The following SLC5A9 variants were observed in gnomAD, a reference collection of about 807,000 sequenced individuals.
SLC5A9 encodes sodium/glucose cotransporter 4.
SLC5A9 carries 59 observed loss-of-function variants against 70.9 expected under a neutral mutation model. That is an observed-to-expected ratio of 0.83 (90% CI 0.68 to 1.03). SLC5A9 has a LOEUF of 1.03. SLC5A9 is among the 50% of genes least tolerant of loss of function. The probability of loss-of-function intolerance (pLI) is 0.00; values close to 1 mark genes in which losing one functional copy is unlikely to be tolerated. For synonymous variants in SLC5A9, 340 were observed against 346.5 expected, an observed-to-expected ratio of 0.98 and a Z score of 0.21; for missense variants, 832 against 881.1, an observed-to-expected ratio of 0.94 and a Z score of 0.71.
chr1:48,231,567 C>T lies in SLC5A9; in HGVS notation c.633C>T (p.Tyr211=). The T allele has an allele frequency of 6.2e-7, 1 of 1,614,146 alleles. No homozygotes were observed. ...TIAGGLMAVI[Y]TDALQTVIMV... is the part of the protein sequence containing the mutation. Reference sequence around the variant, plus strand: ...CAGGTGGCCTCATGGCCGTGATCTACACAGATGCTCTGCAGACGGTGATCA... The same window carrying T: ...CAGGTGGCCTCATGGCCGTGATCTATACAGATGCTCTGCAGACGGTGATCA... Residue 211 remains tyrosine, a synonymous_variant, in exon 6 of 14, where the codon TAC becomes TAT. Coordinates refer to ENST00000438567, the MANE Select transcript of SLC5A9 (RefSeq NM_001011547.3).
chr1:48,234,147 C>T (rs1276252999), intron 9 of SLC5A9, among the ~76,000 whole-genome samples: 3 of 152,200 alleles, frequency 2.0e-5, no homozygotes, highest in Non-Finnish European at 4.4e-5. Context: ...AATGGAGCTA[C>T]ATCCCGAGTT....
intron 13 of SLC5A9, among the ~76,000 whole-genome samples, chr1:48,244,878 G>GTGTATATATATATATATA (rs1391896495): frequency 2.7e-4 from 8 of 29,402 alleles, no homozygotes; most frequent in African/African-American, 6.7e-4. Flanking sequence ...ATGTGTATGT[G>GTGTATATATATATATATA]TATATATATA....
chr1:48,224,833 C>G, intron 2 of SLC5A9, 38 bp downstream of exon 2: 1 of 1,590,788 alleles, frequency 6.3e-7, no homozygotes, highest in Non-Finnish European at 8.6e-7. Context: ...AGTGCAGAGG[C>G]TCCCAACTTT....
At chr1:48,244,910 A>ATATATATATATATG (rs56780309) in intron 13 of SLC5A9, among the ~76,000 whole-genome samples, 1 of 110,632 alleles carries the variant, frequency 9.0e-6, no homozygotes, top group East Asian at 2.7e-4. Context: ...ATATATATAT[A>ATATATATATATATG]AAACCTCTGT....
rs529159745 is a variant in SLC5A9, at chr1:48,232,622, T to C, written c.1033+120T>C. Reference sequence around the variant, plus strand: ...AGCAGGGGTTGGCAAGGTTTGTCTATTAAGAATACATAGCCGGTCATGGTG... The same window carrying C: ...AGCAGGGGTTGGCAAGGTTTGTCTACTAAGAATACATAGCCGGTCATGGTG... On this transcript the variant is annotated intron_variant, in intron 8 of 13. Transcript: ENST00000438567. 42 of 1,326,216 alleles carry C rather than the reference T, an allele frequency of 3.2e-5. No individual in the cohort carries two copies. The Admixed American group carries it at 5.2e-4, about 16-fold the overall frequency. 82.2% of individuals were successfully genotyped at this position (1,326,216 alleles called of 1,614,324 possible).
At position 48,232,513 on chromosome 1, in the gene SLC5A9, G is replaced by A. The variant is rs1303635503; in HGVS notation, c.1033+11G>A. The A allele has an allele frequency of 6.2e-7, 1 of 1,614,006 alleles. No individual in the cohort carries two copies. The highest frequency in any genetic ancestry group is 8.5e-7 in the Non-Finnish European group (1 of 1,179,938). On this transcript the variant is annotated intron_variant, in intron 8 of 13. Coordinates refer to ENST00000438567, the MANE Select transcript of SLC5A9 (RefSeq NM_001011547.3). ...GGGCCCTGTTCCCAGGTAAGAACGA[G>A]CCTTGCTCTCTGGGTATTGGGATCT...
intron 2 of SLC5A9, among the ~76,000 whole-genome samples, chr1:48,227,501 CAG>C (rs951827653): frequency 1.2e-5 from 1 of 84,336 alleles, no homozygotes; most frequent in Non-Finnish European, 2.3e-5. Context: ...ATGTGTGTGT[CAG>C]AGTGTGTGTA....
intron 12 of SLC5A9, chr1:48,240,667 C>T (rs1178709752): frequency 6.6e-6 from 1 of 152,376 alleles, no homozygotes; most frequent in East Asian, 1.9e-4. Context: ...TTCTCCATTG[C>T]CTGTTTCCTC....
In SLC5A9 at chr1:48,232,480, G is replaced by C. The variant is rs755228113; in HGVS notation, c.1011G>C (p.Met337Ile). Residue 337 changes from methionine to isoleucine, a missense_variant, in exon 8 of 14, where the codon ATG becomes ATC. Transcript: ENST00000438567. ...TGTTCTTCATCGTCATGCCTGGCAT[G>C]ATCAGCCGGGCCCTGTTCCCAGGTA... ...LPMFFIVMPG[M>I]ISRALFPDEV... is the part of the protein sequence containing the mutation. 6.2e-7 allele frequency: 1 copy of C among 1,614,208 alleles called. No individual in the cohort carries two copies. Among genetic ancestry groups the C allele is most frequent in the South Asian group, 1.1e-5 (1 of 91,078 alleles).
In SLC5A9 at chr1:48,248,188, A is replaced by C. The variant is rs1644480403; in HGVS notation, c.*645A>C. Reference sequence around the variant, plus strand: ...TAGACAATGGACTATCCAAAGCACTATTTAAATTCTGCCTCTTCCTACTCT... The same window carrying C: ...TAGACAATGGACTATCCAAAGCACTCTTTAAATTCTGCCTCTTCCTACTCT... On this transcript the variant is annotated 3_prime_UTR_variant, in exon 14 of 14. Transcript: ENST00000438567. 6.5e-6 allele frequency: 1 copy of C among 153,340 alleles called. No individual in the cohort carries two copies. Among genetic ancestry groups the C allele is most frequent in the Non-Finnish European group, 1.5e-5 (1 of 68,884 alleles). 9.5% of individuals were successfully genotyped at this position (153,340 alleles called of 1,614,324 possible). A position where few individuals can be genotyped will look rare whatever the true frequency, so the allele number is the denominator to read the frequency against.
intron 13 of SLC5A9, among the ~76,000 whole-genome samples, chr1:48,243,004 T>A (rs1274411101): frequency 1.3e-5 from 2 of 152,180 alleles, no homozygotes; most frequent in East Asian, 3.9e-4. Context: ...GAGCTAAGCA[T>A]GTCCTCTTTA....
intron 12 of SLC5A9, chr1:48,240,578 A>C (rs2148585465): frequency 6.6e-6 from 1 of 152,360 alleles, no homozygotes; most frequent in African/African-American, 2.4e-5. Flanking sequence ...TCCTACAAAA[A>C]AGCAGGGCCT....
chr1:48,224,793 C>T lies in SLC5A9; in HGVS notation c.232C>T (p.Pro78Ser). The T allele has an allele frequency of 6.2e-7, 1 of 1,614,042 alleles. No individual in the cohort carries two copies. Among genetic ancestry groups the T allele is most frequent in the South Asian group, 1.1e-5 (1 of 91,080 alleles). The change falls in exon 2 of 14, where the codon CCA becomes TCA. Residue 78 changes from proline to serine, a missense_variant and splice_region_variant. Coordinates refer to ENST00000438567, the MANE Select transcript of SLC5A9 (RefSeq NM_001011547.3). Reference sequence around the variant, plus strand: ...GGCCGGGAGGTCCATGAGCTGGTGGCCAGTGAGTTGACCCTTCTCAACCAC... The same window carrying T: ...GGCCGGGAGGTCCATGAGCTGGTGGTCAGTGAGTTGACCCTTCTCAACCAC... The part of the protein sequence containing the change: ...FLAGRSMSWW[P>S]IGASLMSSNV...
chr1:48,229,381 G>GAAGCTT lies in SLC5A9; in HGVS notation c.430_431insTTAAGC (p.Lys143_Arg144insLeuLys). On this transcript the variant is annotated inframe_insertion, in exon 4 of 14. Coordinates refer to ENST00000438567, the MANE Select transcript of SLC5A9 (RefSeq NM_001011547.3). ...TGGTCACAATGCCGCAGTATCTGAA[G>GAAGCTT]AAGCGATTTGGGGGCCAGAGGATCC... 6.2e-7 allele frequency: 1 copy of GAAGCTT among 1,614,186 alleles called. No homozygotes were observed. Among genetic ancestry groups the GAAGCTT allele is most frequent in the Non-Finnish European group, 8.5e-7 (1 of 1,180,044 alleles).
At chr1:48,245,317 C>T (rs960548543) in intron 13 of SLC5A9, among the ~76,000 whole-genome samples, 1 of 152,060 alleles carries the variant, frequency 6.6e-6, no homozygotes, top group Non-Finnish European at 1.5e-5. Flanking sequence ...ACTAGACAGA[C>T]TTACACAGAG....
chr1:48,226,601 G>T (rs549380511), intron 2 of SLC5A9, among the ~76,000 whole-genome samples: 1 of 152,304 alleles, frequency 6.6e-6, no homozygotes, highest in South Asian at 2.1e-4. Flanking sequence ...TGGAGTGTTT[G>T]TCTGGGCATC....
chr1:48,228,611 C>T, intron 2 of SLC5A9: 2 of 571,864 alleles, frequency 3.5e-6, no homozygotes, highest in Non-Finnish European at 5.8e-6. Flanking sequence ...ACCATTTACT[C>T]ACTGGGTGAC....
At chr1:48,236,037 G>A (rs1644322424) in intron 10 of SLC5A9, among the ~76,000 whole-genome samples, 158 bp downstream of exon 10, 1 of 152,114 alleles carries the variant, frequency 6.6e-6, no homozygotes, top group Non-Finnish European at 1.5e-5. Context: ...TAAGTCCTTC[G>A]CCAACCCTGG....
chr1:48,237,622 C>T, intron 10 of SLC5A9, 57 bp from the exon 11 acceptor site: 4 of 1,574,306 alleles, frequency 2.5e-6, no homozygotes, highest in Non-Finnish European at 3.5e-6. Context: ...CACCTTCACC[C>T]CACACCACAC....
Sources: allele counts gnomAD v4.1 joint callset (sites outside exome capture counted in the v4.1 genomes callset), GRCh38; gene constraint gnomAD v4.1.1; transcripts MANE v1.5; gene names NCBI Gene and HGNC (gene_info 2026-07-23, HGNC 2026-07-21).